CLDN16: variants seen among roughly 807,000 people sequenced by gnomAD.
CLDN16 encodes the protein claudin 16.
Under a neutral mutation model 24.6 loss-of-function variants are expected in CLDN16, and 13 were observed. That is an observed-to-expected ratio of 0.53 (90% CI 0.34 to 0.84). CLDN16 has a LOEUF of 0.84. Among genes scored for constraint, CLDN16 ranks in the 40% least tolerant of loss-of-function variants. CLDN16 has a pLI of 0.01. For synonymous variants in CLDN16, 116 were observed against 106.7 expected (o/e 1.09, Z -0.54); for missense variants, 298 against 292.7 (o/e 1.02, Z -0.13).
intron 1 of CLDN16, among the ~76,000 whole-genome samples, chr3:190,361,472 T>C (rs773688278): frequency 5.9e-4 from 89 of 151,946 alleles, no homozygotes; most frequent in Non-Finnish European, 2.1e-4. Context: ...TAATAGCCCT[T>C]CCCTGAAAAG....
At chr3:190,298,946 A>G in the CLDN16 span, among the ~76,000 whole-genome samples, 1 of 152,120 alleles carries the variant, frequency 6.6e-6, no homozygotes. Context: ...TATACATATA[A>G]GAGTTTCTCA....
intron 3 of CLDN16, among the ~76,000 whole-genome samples, chr3:190,380,930 C>T (rs1010964028): frequency 1.4e-4 from 21 of 151,944 alleles, no homozygotes; most frequent in Admixed American, 3.9e-4. Context: ...GCAGGGTTCC[C>T]GGTACCAGAG....
intron 2 of CLDN16, 83 bp from the exon 3 acceptor site, chr3:190,404,679 G>A: frequency 1.5e-6 from 2 of 1,366,252 alleles, no homozygotes; most frequent in South Asian, 2.3e-5. Flanking sequence ...TTACCTACTT[G>A]TCTGTTTTTT....
chr3:190,341,111 A>C (rs1404431970), intron 1 of CLDN16, among the ~76,000 whole-genome samples: 1 of 152,122 alleles, frequency 6.6e-6, no homozygotes, highest in African/African-American at 2.4e-5. Flanking sequence ...CCAGGTACAC[A>C]GTGCAAGCCG....
At chr3:190,324,845 T>G (rs115540627) in intron 1 of CLDN16, among the ~76,000 whole-genome samples, 1,583 of 152,234 alleles carry the variant, frequency 0.01, 25 homozygotes, top group African/African-American at 0.036. Context: ...TCTATCAACT[T>G]AAGAGGAAAA....
chr3:190,402,268 T>C (rs1028633906), intron 1 of CLDN16, 69 bp from the exon 2 acceptor site: 1 of 1,232,248 alleles, frequency 8.1e-7, no homozygotes. Context: ...CCAACTTCTC[T>C]TTTTGATCAA....
chr3:190,312,063 T>C, the CLDN16 span, among the ~76,000 whole-genome samples: 1 of 151,850 alleles, frequency 6.6e-6, no homozygotes. Flanking sequence ...CTGGAGTATA[T>C]GGGATTACAG....
chr3:190,389,458 T>C (rs1335383384), intron 1 of CLDN16, among the ~76,000 whole-genome samples: 1 of 152,242 alleles, frequency 6.6e-6, no homozygotes, highest in Non-Finnish European at 1.5e-5. Flanking sequence ...TATTAAACTC[T>C]CAAATTGGAG....
At chr3:190,392,059 C>CTGTTTTTTTTTTTTTT (rs1718691962) in intron 1 of CLDN16, among the ~76,000 whole-genome samples, 1 of 126,078 alleles carries the variant, frequency 7.9e-6, no homozygotes, top group Non-Finnish European at 1.7e-5. Context: ...CCTTTTCAGT[C>CTGTTTTTTTTTTTTTT]TTTTTTTTTT....
intron 1 of CLDN16, among the ~76,000 whole-genome samples, chr3:190,332,791 A>G (rs140750152): frequency 1.3e-3 from 193 of 148,152 alleles, no homozygotes; most frequent in African/African-American, 4.7e-3. Flanking sequence ...TTTTTTTGTT[A>G]CAAGACATAC....
At chr3:190,378,630 C>T (rs529639812) in intron 3 of CLDN16, among the ~76,000 whole-genome samples, 5 of 152,148 alleles carry the variant, frequency 3.3e-5, no homozygotes, top group South Asian at 4.1e-4. Context: ...GTCCTGCTGT[C>T]GGATCTTGAT....
chr3:190,346,091 G>A (rs1331939365), intron 1 of CLDN16, among the ~76,000 whole-genome samples: 1 of 152,004 alleles, frequency 6.6e-6, no homozygotes, highest in Non-Finnish European at 1.5e-5. Context: ...CCTATGGCAC[G>A]TAAGACAGAG....
At chr3:190,299,869 C>T in the CLDN16 span, among the ~76,000 whole-genome samples, 9 of 152,148 alleles carry the variant, frequency 5.9e-5, no homozygotes, top group South Asian at 2.1e-4. Flanking sequence ...CCTTCTTTTG[C>T]GTCTTCATCT....
chr3:190,311,965 T>TG, the CLDN16 span, among the ~76,000 whole-genome samples: 1 of 151,650 alleles, frequency 6.6e-6, no homozygotes, highest in Non-Finnish European at 1.5e-5. Context: ...TTTTTTCTTT[T>TG]TTTTTTAGAC....
intron 1 of CLDN16, among the ~76,000 whole-genome samples, chr3:190,334,806 A>G (rs1475794069): frequency 6.6e-6 from 1 of 152,132 alleles, no homozygotes; most frequent in Non-Finnish European, 1.5e-5. Flanking sequence ...TGTGACTTAG[A>G]GATGCCTGGG....
At chr3:190,338,435 C>G (rs1717358195) in intron 1 of CLDN16, among the ~76,000 whole-genome samples, 1 of 152,182 alleles carries the variant, frequency 6.6e-6, no homozygotes, top group Admixed American at 6.5e-5. Flanking sequence ...TGGAGAAATA[C>G]TTTTCATACC....
chr3:190,302,547 A>T, the CLDN16 span, among the ~76,000 whole-genome samples: 2 of 152,130 alleles, frequency 1.3e-5, no homozygotes, highest in African/African-American at 4.8e-5. Context: ...AGGTGGGTGG[A>T]ACACTTGAGC....
chr3:190,301,721 T>C, the CLDN16 span, among the ~76,000 whole-genome samples: 1 of 152,282 alleles, frequency 6.6e-6, no homozygotes, highest in East Asian at 1.9e-4. Context: ...GACTCTACTT[T>C]AAAGTAAATA....
In CLDN16 at chr3:190,355,184, A is replaced by T. The variant is rs1244949070; in HGVS notation, n.122-15709A>T. On this transcript the variant is annotated intron_variant and non_coding_transcript_variant, in intron 1 of 4. Coordinates refer to the CLDN16 transcript ENST00000468220. ...TCTCTCTTTCTCACACCATTATTAT[A>T]TACTTTTAGAGATAATTAAATGTCT... 2.0e-5 allele frequency among the ~76,000 whole-genome samples: 3 copies of T among 151,982 alleles called. No individual in the cohort carries two copies. The South Asian group carries it at 6.2e-4, about 31-fold the overall frequency.
Sources: gnomAD v4.1 joint callset for allele counts (sites outside exome capture counted in the v4.1 genomes callset) on GRCh38, gnomAD v4.1.1 for gene constraint, MANE v1.5 for transcripts, NCBI Gene and HGNC (gene_info 2026-07-23, HGNC 2026-07-21) for gene names.